The following PCDH15 variants were observed in gnomAD, a reference collection of about 807,000 sequenced individuals.
The protein encoded by PCDH15 is protocadherin-15.
PCDH15 carries 129 observed loss-of-function variants against 178.5 expected under a neutral mutation model. That is an observed-to-expected ratio of 0.72 (90% CI 0.63 to 0.84). The LOEUF is 0.84. PCDH15 is among the 40% of genes least tolerant of loss of function. The probability of loss-of-function intolerance (pLI) is 0.00; values close to 1 mark genes in which losing one functional copy is unlikely to be tolerated. For missense variants in PCDH15, 2,230 were observed against 2,099.9 expected (o/e 1.06, Z -1.21); for synonymous variants, 800 against 732.0 (o/e 1.09, Z -1.50).
chr10:54,820,197 G>C (rs1290034817), intron 3 of PCDH15, among the ~76,000 whole-genome samples: 1 of 151,940 alleles, frequency 6.6e-6, no homozygotes, highest in African/African-American at 2.4e-5. Flanking sequence ...CAATCCAATG[G>C]AGATGTGTAA....
chr10:54,680,684 A>G (rs551518570), intron 1 of PCDH15, among the ~76,000 whole-genome samples: 1 of 152,086 alleles, frequency 6.6e-6, no homozygotes, highest in Non-Finnish European at 1.5e-5. Flanking sequence ...GTCTCATGAG[A>G]TCTGGTTCTA....
intron 30 of PCDH15, among the ~76,000 whole-genome samples, chr10:53,830,789 A>C (rs894826861): frequency 2.0e-5 from 3 of 152,266 alleles, no homozygotes; most frequent in Non-Finnish European, 4.4e-5. Flanking sequence ...CAAAGCACCC[A>C]GGAAGGAAGA....
At chr10:55,285,802 T>A (rs1228025991) in intron 1 of PCDH15, among the ~76,000 whole-genome samples, 1 of 151,876 alleles carries the variant, frequency 6.6e-6, no homozygotes, top group Non-Finnish European at 1.5e-5. Flanking sequence ...TAAGACACAG[T>A]CATGACATTA....
chr10:55,503,558 A>G (rs1269141393), intron 2 of PCDH15, among the ~76,000 whole-genome samples: 1 of 151,248 alleles, frequency 6.6e-6, no homozygotes, highest in Non-Finnish European at 1.5e-5. Context: ...AGAGGACAAC[A>G]TTGAAGATAA....
chr10:54,046,758 A>G (rs2093664266), intron 18 of PCDH15, among the ~76,000 whole-genome samples: 1 of 152,144 alleles, frequency 6.6e-6, no homozygotes, highest in Non-Finnish European at 1.5e-5. Flanking sequence ...CTGTATAATA[A>G]TATACTAAAC....
At chr10:55,538,440 CCCTTCCTTCCTTCTTT>C (rs1841643721) in intron 2 of PCDH15, among the ~76,000 whole-genome samples, 2 of 113,452 alleles carry the variant, frequency 1.8e-5, no homozygotes, top group South Asian at 3.3e-4. Context: ...CTTCCTTCCT[CCCTTCCTTCCTTCTTT>C]CCTTCCTTCC....
At chr10:54,179,411 G>A (rs2047757875) in intron 13 of PCDH15, among the ~76,000 whole-genome samples, 1 of 135,306 alleles carries the variant, frequency 7.4e-6, no homozygotes, top group Admixed American at 7.8e-5. Flanking sequence ...ACACTCTGGG[G>A]ACTGTTGTGG....
intron 3 of PCDH15, among the ~76,000 whole-genome samples, chr10:54,809,145 T>C (rs1952824602): frequency 6.6e-6 from 1 of 152,196 alleles, no homozygotes; most frequent in Non-Finnish European, 1.5e-5. Flanking sequence ...CCATAGGGTA[T>C]CTTGCTCTAT....
At chr10:54,497,392 T>C (rs899395989) in intron 3 of PCDH15, among the ~76,000 whole-genome samples, 16 of 151,994 alleles carry the variant, frequency 1.1e-4, no homozygotes, top group African/African-American at 3.9e-4. Context: ...AAACCCAGAG[T>C]GTCTTTTTAC....
At chr10:54,987,741 T>C (rs1029126200) in intron 2 of PCDH15, among the ~76,000 whole-genome samples, 1 of 151,976 alleles carries the variant, frequency 6.6e-6, no homozygotes, top group Non-Finnish European at 1.5e-5. Context: ...TTTAAGTTCC[T>C]TATAGATTCT....
chr10:55,355,240 A>C (rs554281544), intron 2 of PCDH15, among the ~76,000 whole-genome samples: 133 of 152,146 alleles, frequency 8.7e-4, no homozygotes, highest in African/African-American at 2.9e-3. Context: ...TTGTGTGAAA[A>C]TCAGTGTTCA....
At chr10:54,349,148 G>A (rs892342668) in intron 5 of PCDH15, among the ~76,000 whole-genome samples, 6 of 152,200 alleles carry the variant, frequency 3.9e-5, no homozygotes, top group Admixed American at 2.0e-4. Flanking sequence ...AAACAGTATC[G>A]TCTGTGGAAA....
At chr10:54,951,021 T>G (rs1824968954) in intron 2 of PCDH15, among the ~76,000 whole-genome samples, 1 of 151,982 alleles carries the variant, frequency 6.6e-6, no homozygotes, top group Non-Finnish European at 1.5e-5. Flanking sequence ...TCTTAATATC[T>G]TTCATGAGTG....
At chr10:54,390,866 T>G (rs1950469489) in intron 3 of PCDH15, among the ~76,000 whole-genome samples, 1 of 152,170 alleles carries the variant, frequency 6.6e-6, no homozygotes, top group Admixed American at 6.5e-5. Context: ...TTTTCACCAT[T>G]ATCATTTTCC....
In PCDH15 at chr10:54,215,869, G is replaced by A. The variant is rs1029551492; in HGVS notation, c.986-1821C>T. The stretch of plus-strand genomic sequence containing the variant: ...ATCTTGCCTGACACAGTGAAAGCCC[G>A]CCTCTACTAAAAAAAATACAAAAAA... On this transcript the variant is annotated intron_variant, in intron 9 of 37. Transcript: ENST00000644397. Among the ~76,000 whole-genome samples, 4 of 151,324 alleles carry A rather than the reference G, an allele frequency of 2.6e-5. No homozygotes were observed. In the East Asian group the frequency reaches 5.9e-4, roughly 22 times the overall value.
intron 2 of PCDH15, among the ~76,000 whole-genome samples, chr10:54,991,162 G>A (rs1188411500): frequency 6.6e-6 from 1 of 152,076 alleles, no homozygotes; most frequent in African/African-American, 2.4e-5. Context: ...ACTTATTTGT[G>A]AATATGTTGT....
intron 2 of PCDH15, among the ~76,000 whole-genome samples, chr10:54,916,839 C>A (rs1363597172): frequency 2.0e-5 from 3 of 151,368 alleles, no homozygotes; most frequent in African/African-American, 7.4e-5. Context: ...CTATTTCTAG[C>A]AACAGGGAAA....
chr10:54,878,357 T>C (rs1954192386), intron 3 of PCDH15, among the ~76,000 whole-genome samples: 1 of 152,200 alleles, frequency 6.6e-6, no homozygotes, highest in Admixed American at 6.5e-5. Flanking sequence ...TTCCTTGTCA[T>C]GTGTACATAG....
At chr10:54,736,755 C>T (rs750231074) in intron 1 of PCDH15, among the ~76,000 whole-genome samples, 1 of 151,770 alleles carries the variant, frequency 6.6e-6, no homozygotes, top group Non-Finnish European at 1.5e-5. Context: ...GAACTTTAGG[C>T]GAAAATTCAT....
Sources: allele counts gnomAD v4.1 joint callset (sites outside exome capture counted in the v4.1 genomes callset), GRCh38; gene constraint gnomAD v4.1.1; transcripts MANE v1.5; gene names NCBI Gene and HGNC (gene_info 2026-07-23, HGNC 2026-07-21).